The following JMJD1C variants were observed in gnomAD, a reference collection of about 807,000 sequenced individuals.
JMJD1C encodes the protein jumonji domain-containing protein 1C.
A neutral mutation model predicts 245.3 loss-of-function variants in JMJD1C; 31 were observed. The ratio of observed to expected loss-of-function variants is 0.13; its 90% confidence interval spans 0.09 to 0.17. JMJD1C has a LOEUF of 0.17. Ranked by LOEUF, JMJD1C falls within the 10% of genes least tolerant of loss-of-function variation. The probability of loss-of-function intolerance (pLI) is 1.00; values close to 1 mark genes in which losing one functional copy is unlikely to be tolerated. For missense variants in JMJD1C, 2,691 were observed against 3,000.2 expected (o/e 0.90, Z 2.41); for synonymous variants, 1,057 against 1,017.4 (o/e 1.04, Z -0.74).
intron 10 of JMJD1C, chr10:63,204,889 A>G: frequency 1.0e-6 from 1 of 985,446 alleles, no homozygotes; most frequent in Non-Finnish European, 1.2e-6. Flanking sequence ...ATTCAGTTAA[A>G]AGGCACAAAT....
intron 3 of JMJD1C, among the ~76,000 whole-genome samples, chr10:63,253,533 G>A (rs537972159): frequency 3.9e-5 from 6 of 152,090 alleles, no homozygotes; most frequent in Non-Finnish European, 5.9e-5. Context: ...ACAGGCGCCC[G>A]CCACCATGTC....
chr10:63,217,176 T>C, intron 5 of JMJD1C, 31 bp downstream of exon 5: 2 of 1,583,884 alleles, frequency 1.3e-6, no homozygotes, highest in Non-Finnish European at 1.7e-6. Flanking sequence ...ACTTTTAAAA[T>C]CTCTATAAAA....
chr10:63,397,465 G>A (rs560488211), intron 1 of JMJD1C, among the ~76,000 whole-genome samples: 2 of 152,028 alleles, frequency 1.3e-5, no homozygotes, highest in East Asian at 1.9e-4. Context: ...TGTCTGCCTC[G>A]GCCTCCCAAA....
chr10:63,307,261 CATTT>C (rs1226653733), intron 2 of JMJD1C, among the ~76,000 whole-genome samples: 3 of 152,106 alleles, frequency 2.0e-5, no homozygotes, highest in Non-Finnish European at 4.4e-5. Flanking sequence ...TTTGCTGAAG[CATTT>C]ATTTTAAAAA....
At chr10:63,442,328 G>A (rs1333013794) in intron 1 of JMJD1C, among the ~76,000 whole-genome samples, 2 of 152,106 alleles carry the variant, frequency 1.3e-5, no homozygotes, top group Non-Finnish European at 2.9e-5. Context: ...AACTTACAAT[G>A]CAGTTTAAAG....
chr10:63,347,863 G>C (rs1030161157), intron 2 of JMJD1C, among the ~76,000 whole-genome samples: 1 of 151,924 alleles, frequency 6.6e-6, no homozygotes, highest in Non-Finnish European at 1.5e-5. Context: ...GCAGTGAGCT[G>C]AGATTGCACC....
intron 3 of JMJD1C, among the ~76,000 whole-genome samples, chr10:63,257,957 G>A (rs1854188097): frequency 6.6e-6 from 1 of 152,220 alleles, no homozygotes; most frequent in Non-Finnish European, 1.5e-5. Context: ...TTCTAGGGAA[G>A]ACTAGTAAGA....
At chr10:63,517,786 C>CTT (rs11361305) in intron 1 of JMJD1C, among the ~76,000 whole-genome samples, 342 of 72,532 alleles carry the variant, frequency 4.7e-3, no homozygotes, top group Middle Eastern at 0.02. Flanking sequence ...CTAATGGCCA[C>CTT]TTTTTTTTTT....
intron 2 of JMJD1C, chr10:63,269,313 T>C: frequency 1.8e-6 from 1 of 549,796 alleles, no homozygotes; most frequent in Non-Finnish European, 2.3e-6. Flanking sequence ...ATGGAGTCAC[T>C]TCCAGCACGA....
At chr10:63,301,860 A>G in intron 2 of JMJD1C, 1 of 373,624 alleles carries the variant, frequency 2.7e-6, no homozygotes, top group Non-Finnish European at 5.2e-6. Flanking sequence ...GAAAAAACAA[A>G]CAAATGGCTA....
At chr10:63,411,596 G>A (rs905365896) in intron 1 of JMJD1C, among the ~76,000 whole-genome samples, 1 of 145,526 alleles carries the variant, frequency 6.9e-6, no homozygotes, top group African/African-American at 2.5e-5. Context: ...ACCACACTCG[G>A]CCTGATTTTT....
chr10:63,295,697 T>C (rs371269320), intron 2 of JMJD1C, among the ~76,000 whole-genome samples: 84 of 152,196 alleles, frequency 5.5e-4, no homozygotes, highest in African/African-American at 1.9e-3. Context: ...GTAGGTACAA[T>C]TGATTCTTGT....
intron 8 of JMJD1C, 77 bp from the exon 9 acceptor site, chr10:63,209,312 CT>C (rs1847041170): frequency 8.0e-7 from 1 of 1,245,734 alleles, no homozygotes; most frequent in African/African-American, 1.5e-5. Flanking sequence ...CACAGTAGAA[CT>C]GGGTATGATC....
At chr10:63,462,473 G>A (rs1952863829) in intron 1 of JMJD1C, among the ~76,000 whole-genome samples, 1 of 152,096 alleles carries the variant, frequency 6.6e-6, no homozygotes, top group Admixed American at 6.6e-5. Context: ...CTAATCCCAG[G>A]AACCTGTAAC....
At chr10:63,488,686 C>A (rs923121050) in intron 1 of JMJD1C, among the ~76,000 whole-genome samples, 1 of 152,100 alleles carries the variant, frequency 6.6e-6, no homozygotes, top group African/African-American at 2.4e-5. Context: ...GACTTATATA[C>A]GAGTAAGCTG....
chr10:63,387,629 A>ATTTTTT (rs71025169), intron 1 of JMJD1C, among the ~76,000 whole-genome samples: 1,305 of 38,014 alleles, frequency 0.034, 158 homozygotes, highest in East Asian at 0.12. Flanking sequence ...GAAAAAAAAA[A>ATTTTTT]TTTTTTTTTT....
At chr10:63,192,494 G>C (rs1844956461) in intron 16 of JMJD1C, among the ~76,000 whole-genome samples, 2 of 152,234 alleles carry the variant, frequency 1.3e-5, no homozygotes, top group African/African-American at 4.8e-5. Flanking sequence ...CTTAAACCTG[G>C]GAGGCAGAGA....
intron 2 of JMJD1C, among the ~76,000 whole-genome samples, chr10:63,335,023 G>GAAAAAAAA (rs139232339): frequency 9.9e-6 from 1 of 100,836 alleles, no homozygotes; most frequent in East Asian, 2.6e-4. Flanking sequence ...TCTGTCTTTG[G>GAAAAAAAA]AAAAAAATAA....
At chr10:63,363,208 A>G (rs1029915624) in intron 2 of JMJD1C, among the ~76,000 whole-genome samples, 1 of 151,708 alleles carries the variant, frequency 6.6e-6, no homozygotes, top group Admixed American at 6.6e-5. Context: ...CAACTGTGAG[A>G]AGTATGAAGA....
Sources: gnomAD v4.1 joint callset for allele counts (sites outside exome capture counted in the v4.1 genomes callset) on GRCh38, gnomAD v4.1.1 for gene constraint, MANE v1.5 for transcripts, NCBI Gene and HGNC (gene_info 2026-07-23, HGNC 2026-07-21) for gene names.